Variants in GLRB observed in about 807,000 individuals in gnomAD.
The protein encoded by GLRB is glycine receptor beta.
In GLRB, 33 loss-of-function variants were observed where a neutral mutation model predicts 54.2. The ratio of observed to expected loss-of-function variants is 0.61; its 90% confidence interval spans 0.46 to 0.81. The LOEUF (loss-of-function observed/expected upper bound fraction) is 0.81. Ranked by LOEUF, GLRB falls within the 40% of genes least tolerant of loss-of-function variation. The pLI is 0.00. For missense variants in GLRB, 572 were observed against 584.6 expected (o/e 0.98, Z 0.22); for synonymous variants, 209 against 208.2 (o/e 1.00, Z -0.03).
At chr4:157,148,080 A>G (rs1736883654) in intron 8 of GLRB, among the ~76,000 whole-genome samples, 2 of 152,172 alleles carry the variant, frequency 1.3e-5, no homozygotes, top group African/African-American at 4.8e-5. Context: ...GTAGATATTT[A>G]AACAGTTGTG....
At chr4:157,166,778 GA>G (rs34396411) in intron 9 of GLRB, among the ~76,000 whole-genome samples, 2 of 151,848 alleles carry the variant, frequency 1.3e-5, no homozygotes, top group African/African-American at 4.8e-5. Context: ...CTTCAACACT[GA>G]AAAAATTATT....
At chr4:157,080,515 G>T (rs571622289) in intron 2 of GLRB, among the ~76,000 whole-genome samples, 1 of 152,226 alleles carries the variant, frequency 6.6e-6, no homozygotes, top group South Asian at 2.1e-4. Context: ...GAAGACTAGG[G>T]TTGTCCCTGA....
intron 9 of GLRB, among the ~76,000 whole-genome samples, chr4:157,161,711 G>A (rs112960569): frequency 0.05 from 7,581 of 152,296 alleles, 224 homozygotes; most frequent in Middle Eastern, 0.11. Context: ...CTGTTAGTCT[G>A]ATGGGCTTCC....
chr4:157,120,127 G>A lies in GLRB; in HGVS notation c.123-429G>A, dbSNP rs557634495. 5.8e-4 allele frequency among the ~76,000 whole-genome samples: 87 copies of A among 150,202 alleles called. 1 individual carries two copies. The highest frequency in any genetic ancestry group is 3.4e-3 in the Middle Eastern group (1 of 294). ...AAATCATCATTCTCAGTAAACTGTCGCAAGAACAAAAAACCAAACACTGCG... is the reference window on the plus strand; with the variant it reads ...AAATCATCATTCTCAGTAAACTGTCACAAGAACAAAAAACCAAACACTGCG... On this transcript the variant is annotated intron_variant, in intron 2 of 9. Transcript: ENST00000264428.
At chr4:157,168,946 T>A (rs1024470596) in intron 9 of GLRB, among the ~76,000 whole-genome samples, 1 of 152,098 alleles carries the variant, frequency 6.6e-6, no homozygotes, top group Non-Finnish European at 1.5e-5. Context: ...TTGGGCATTT[T>A]TGCTATCCAC....
intron 8 of GLRB, among the ~76,000 whole-genome samples, chr4:157,149,451 C>A (rs893404787): frequency 6.6e-6 from 1 of 151,964 alleles, no homozygotes; most frequent in Non-Finnish European, 1.5e-5. Context: ...TATACTGTAT[C>A]TTTTTCTGTT....
Position 157,120,553 on chromosome 4 carries a change from T to TAGTCAGC in GLRB, c.130_136dup. ...CTTATCAGGATTTTTCTCTCTCTTATAGTCAGCAGTCAGCAGAGGACCTTG... is the reference window on the plus strand; with the variant it reads ...CTTATCAGGATTTTTCTCTCTCTTATAGTCAGCAGTCAGCAGTCAGCAGAGGACCTTG... On this transcript the variant is annotated splice_region_variant and splice_polypyrimidine_tract_variant and intron_variant, in intron 2 of 9. Coordinates refer to ENST00000264428, the MANE Select transcript of GLRB (RefSeq NM_000824.5). The TAGTCAGC allele has an allele frequency of 6.6e-7, 1 of 1,516,488 alleles. No homozygotes were observed. Among genetic ancestry groups the TAGTCAGC allele is most frequent in the Non-Finnish European group, 9.1e-7 (1 of 1,093,186 alleles). The allele number at this position is 1,516,488 out of a possible 1,614,324, so 93.9% of individuals were successfully genotyped here. A position where few individuals can be genotyped will look rare whatever the true frequency, so the allele number is the denominator to read the frequency against.
intron 2 of GLRB, among the ~76,000 whole-genome samples, chr4:157,111,887 C>T (rs183525567): frequency 6.6e-6 from 1 of 152,010 alleles, no homozygotes; most frequent in Non-Finnish European, 1.5e-5. Context: ...TCATCTCAAC[C>T]TCTCAGCAAC....
intron 7 of GLRB, among the ~76,000 whole-genome samples, chr4:157,141,928 A>G (rs968324214): frequency 1.3e-5 from 2 of 152,084 alleles, no homozygotes; most frequent in Non-Finnish European, 2.9e-5. Context: ...TTTATTTTAA[A>G]CTATGCTACT....
intron 2 of GLRB, among the ~76,000 whole-genome samples, chr4:157,111,321 G>A (rs1239212822): frequency 6.6e-6 from 1 of 151,940 alleles, no homozygotes; most frequent in Non-Finnish European, 1.5e-5. Flanking sequence ...TTTTTTCTCT[G>A]TAGTCCTCAG....
intron 4 of GLRB, among the ~76,000 whole-genome samples, chr4:157,123,472 ATT>A (rs1735906468): frequency 6.6e-6 from 1 of 151,780 alleles, no homozygotes; most frequent in Non-Finnish European, 1.5e-5. Flanking sequence ...AGAAGTATAT[ATT>A]TAAGCTGGGT....
chr4:157,157,910 G>A (rs1335470663), intron 9 of GLRB, among the ~76,000 whole-genome samples: 1 of 152,184 alleles, frequency 6.6e-6, no homozygotes, highest in African/African-American at 2.4e-5. Flanking sequence ...TTGAGGAATT[G>A]CCACACTGTC....
In GLRB at chr4:157,138,948, G is replaced by T. The variant is rs758271072; in HGVS notation, c.750G>T (p.Thr250=). ...ACTGTACAAAATACTATAAAGGCAC[G>T]GGTAAGTAATATTCTTTAAATAAAA... ...YGNCTKYYKG[T]GYYTCVEVIF... Residue 250 remains threonine (T), a splice_region_variant and synonymous_variant, in exon 7 of 10, where the codon ACG becomes ACT. Coordinates refer to ENST00000264428, the MANE Select transcript of GLRB (RefSeq NM_000824.5). The T allele has an allele frequency of 1.5e-6, 2 of 1,373,462 alleles. No homozygotes were observed. The highest frequency in any genetic ancestry group is 2.1e-6 in the Non-Finnish European group (2 of 962,932). 85.1% of individuals were successfully genotyped at this position (1,373,462 alleles called of 1,614,324 possible).
intron 8 of GLRB, among the ~76,000 whole-genome samples, chr4:157,152,243 T>A (rs1439727110): frequency 6.6e-6 from 1 of 152,172 alleles, no homozygotes; most frequent in African/African-American, 2.4e-5. Flanking sequence ...TAGTTTTTTT[T>A]ATTATGAACC....
intron 2 of GLRB, among the ~76,000 whole-genome samples, chr4:157,097,433 G>A (rs1378653455): frequency 1.3e-5 from 2 of 152,232 alleles, no homozygotes; most frequent in African/African-American, 4.8e-5. Flanking sequence ...TAACTCCCCA[G>A]CCTAAGAATT....
chr4:157,119,197 A>G (rs1276145773), intron 2 of GLRB, among the ~76,000 whole-genome samples: 2 of 151,652 alleles, frequency 1.3e-5, no homozygotes, highest in Non-Finnish European at 3.0e-5. Flanking sequence ...GTTATCTCTT[A>G]TAGTATAGAG....
intron 2 of GLRB, among the ~76,000 whole-genome samples, chr4:157,086,742 T>C (rs144257158): frequency 1.5e-3 from 230 of 152,320 alleles, no homozygotes; most frequent in African/African-American, 5.3e-3. Flanking sequence ...GAAAATGGGT[T>C]TCCTTAGGAG....
At position 157,097,458 on chromosome 4, in the gene GLRB, G is replaced by C. The variant is rs529518210; in HGVS notation, c.122+19312G>C. 7.9e-4 allele frequency among the ~76,000 whole-genome samples: 121 copies of C among 152,204 alleles called. 3 individuals are homozygous for C. The South Asian group carries it at 0.024, about 30-fold the overall frequency. On this transcript the variant is annotated intron_variant, in intron 2 of 9. Transcript: ENST00000264428. ...GCCTAAGAATTGAACTATTATTCTT[G>C]CAATTTTAAGTATGAGAGATACAAG...
intron 4 of GLRB, among the ~76,000 whole-genome samples, chr4:157,125,443 A>C (rs1268244941): frequency 6.6e-6 from 1 of 151,888 alleles, no homozygotes; most frequent in Non-Finnish European, 1.5e-5. Flanking sequence ...CGGTATTTTG[A>C]CTGGCATAGC....
Sources: allele counts gnomAD v4.1 joint callset (sites outside exome capture counted in the v4.1 genomes callset), GRCh38; gene constraint gnomAD v4.1.1; transcripts MANE v1.5; gene names NCBI Gene and HGNC (gene_info 2026-07-23, HGNC 2026-07-21).